The following LPP variants were observed in gnomAD, a reference collection of about 807,000 sequenced individuals.
LPP encodes the protein LIM domain containing preferred translocation partner in lipoma.
LPP carries 38 observed loss-of-function variants against 60.4 expected under a neutral mutation model. The ratio of observed to expected loss-of-function variants is 0.63; its 90% CI spans 0.49 to 0.83. LPP has a LOEUF of 0.83. LPP is among the 40% of genes least tolerant of loss of function. LPP has a pLI of 0.00. For synonymous variants in LPP, 328 were observed against 290.8 expected (o/e 1.13, Z -1.30); for missense variants, 902 against 783.6 (o/e 1.15, Z -1.80).
In LPP at chr3:188,495,704, C is replaced by T. The variant is rs150249362; in HGVS notation, c.306+11000C>T. Reference sequence around the variant, plus strand: ...GACAAACCCCTTGTTGATTGTATCACATACCTTTTATCCATGGATTTGGTA... The same window carrying T: ...GACAAACCCCTTGTTGATTGTATCATATACCTTTTATCCATGGATTTGGTA... On this transcript the variant is annotated intron_variant, in intron 5 of 11. Coordinates refer to ENST00000617246, the MANE Select transcript of LPP (RefSeq NM_001375462.1). 5.3e-3 allele frequency among the ~76,000 whole-genome samples: 813 copies of T among 152,296 alleles called. 12 individuals are homozygous for T. Among genetic ancestry groups the T allele is most frequent in the South Asian group, 0.021 (101 of 4,826 alleles).
At chr3:188,350,211 G>C (rs933537374) in intron 3 of LPP, among the ~76,000 whole-genome samples, 2 of 152,180 alleles carry the variant, frequency 1.3e-5, no homozygotes, top group East Asian at 3.9e-4. Context: ...GAGCTGGCGG[G>C]TCTGTGGAGG....
At chr3:188,760,374 T>G in intron 9 of LPP, 92 bp downstream of exon 9, 1 of 1,381,460 alleles carries the variant, frequency 7.2e-7, no homozygotes, top group Non-Finnish European at 1.0e-6. Flanking sequence ...CCATCAGATC[T>G]TTGCTTCTTC....
chr3:188,680,995 T>TC (rs1859367265), intron 7 of LPP, among the ~76,000 whole-genome samples: 1 of 72,874 alleles, frequency 1.4e-5, no homozygotes, highest in South Asian at 4.3e-4. Flanking sequence ...GTGCATTTCC[T>TC]TTTTTTTTTT....
intron 9 of LPP, among the ~76,000 whole-genome samples, chr3:188,770,168 C>CTTTTTT (rs57278260): frequency 1.5e-5 from 1 of 64,598 alleles, no homozygotes; most frequent in Non-Finnish European, 3.0e-5. Context: ...AGTTATAATT[C>CTTTTTT]TTTTTTTTTT....
intron 9 of LPP, among the ~76,000 whole-genome samples, chr3:188,761,664 C>A (rs1369179547): frequency 6.6e-6 from 1 of 152,160 alleles, no homozygotes; most frequent in African/African-American, 2.4e-5. Flanking sequence ...GTCTTAGATT[C>A]TTTGCAGATG....
At chr3:188,758,035 C>A (rs1328730509) in intron 8 of LPP, among the ~76,000 whole-genome samples, 4 of 151,626 alleles carry the variant, frequency 2.6e-5, no homozygotes, top group Admixed American at 2.6e-4. Flanking sequence ...TTGAAGTCTG[C>A]CACAAACAAA....
chr3:188,536,337 A>G (rs1386892364), intron 6 of LPP, among the ~76,000 whole-genome samples: 3 of 151,638 alleles, frequency 2.0e-5, no homozygotes, highest in Non-Finnish European at 4.4e-5. Context: ...TTTTGCGTTT[A>G]CTGCCAGGAA....
At chr3:188,681,899 CAA>C (rs1373852749) in intron 7 of LPP, among the ~76,000 whole-genome samples, 1 of 152,222 alleles carries the variant, frequency 6.6e-6, no homozygotes, top group Non-Finnish European at 1.5e-5. Context: ...CCAACACTGA[CAA>C]ATCCAAATTC....
At chr3:188,473,779 A>T (rs754827015) in intron 4 of LPP, among the ~76,000 whole-genome samples, 6 of 152,184 alleles carry the variant, frequency 3.9e-5, no homozygotes, top group Non-Finnish European at 7.3e-5. Context: ...CTCTTAAGGG[A>T]TATACATATA....
intron 2 of LPP, among the ~76,000 whole-genome samples, chr3:188,312,299 A>G (rs1753717897): frequency 6.6e-6 from 1 of 152,176 alleles, no homozygotes; most frequent in Non-Finnish European, 1.5e-5. Flanking sequence ...CCCATTTGTA[A>G]TTCCGTTTTC....
At chr3:188,284,481 A>C (rs975147035) in intron 2 of LPP, among the ~76,000 whole-genome samples, 4 of 152,130 alleles carry the variant, frequency 2.6e-5, no homozygotes, top group African/African-American at 9.7e-5. Flanking sequence ...TCAGAGCTTC[A>C]GATGCTGGGT....
intron 2 of LPP, among the ~76,000 whole-genome samples, chr3:188,333,167 G>A (rs1317782541): frequency 6.6e-6 from 1 of 152,104 alleles, no homozygotes; most frequent in African/African-American, 2.4e-5. Flanking sequence ...TTGTAGAAAA[G>A]CTTAGTGCTT....
rs149082401 is a variant in LPP, at chr3:188,262,638, T to C, written c.-67+37111T>C. On this transcript the variant is annotated intron_variant, in intron 2 of 11. Transcript: ENST00000617246. ...CCCTCATCTCTCTCTCTCTCTTGTC[T>C]CTCTCTCTTCTCTGTCTCTCACTCT... Among the ~76,000 whole-genome samples, 862 of 152,024 alleles carry C rather than the reference T, an allele frequency of 5.7e-3. 5 individuals carry two copies. Among genetic ancestry groups the C allele is most frequent in the Middle Eastern group, 0.02 (6 of 294 alleles).
At chr3:188,302,076 G>C (rs966464428) in intron 2 of LPP, among the ~76,000 whole-genome samples, 2 of 152,036 alleles carry the variant, frequency 1.3e-5, no homozygotes, top group African/African-American at 4.8e-5. Context: ...GAGCTGCTTG[G>C]AACTTGATTT....
At chr3:188,438,051 A>C (rs905429825) in intron 4 of LPP, among the ~76,000 whole-genome samples, 3 of 152,138 alleles carry the variant, frequency 2.0e-5, no homozygotes, top group Non-Finnish European at 2.9e-5. Flanking sequence ...CACTCACTGA[A>C]TTTAAATAGG....
intron 6 of LPP, chr3:188,568,723 G>A (rs1230996999): frequency 6.6e-6 from 1 of 151,996 alleles, no homozygotes; most frequent in East Asian, 1.9e-4. Flanking sequence ...CAAACTTGTA[G>A]GAGTTTGCGA....
intron 2 of LPP, among the ~76,000 whole-genome samples, chr3:188,249,869 C>G (rs1478109978): frequency 7.4e-6 from 1 of 134,998 alleles, no homozygotes; most frequent in Non-Finnish European, 1.6e-5. Context: ...CACACACACA[C>G]AGTCTCCCCC....
At chr3:188,220,544 C>G (rs1361465285) in intron 1 of LPP, among the ~76,000 whole-genome samples, 2 of 152,222 alleles carry the variant, frequency 1.3e-5, no homozygotes, top group African/African-American at 4.8e-5. Flanking sequence ...GGTTTCAGGC[C>G]TGGCTGAGAA....
At chr3:188,408,708 C>G (rs78241692) in intron 4 of LPP, among the ~76,000 whole-genome samples, 2,658 of 151,706 alleles carry the variant, frequency 0.018, 29 homozygotes, top group Non-Finnish European at 0.026. Context: ...AGGCTCTATG[C>G]TTTCTCTTTA....
Sources: gnomAD v4.1 joint callset for allele counts (sites outside exome capture counted in the v4.1 genomes callset) on GRCh38, gnomAD v4.1.1 for gene constraint, MANE v1.5 for transcripts, NCBI Gene and HGNC (gene_info 2026-07-23, HGNC 2026-07-21) for gene names.